The following MICAL2 variants were observed in gnomAD, a reference collection of about 807,000 sequenced individuals.
MICAL2 encodes the protein [F-actin]-monooxygenase MICAL2.
In MICAL2, 77 loss-of-function variants were observed where a neutral mutation model predicts 127.3. That is an observed-to-expected ratio of 0.60 (90% CI 0.50 to 0.73). The LOEUF is 0.73. Ranked by LOEUF, MICAL2 falls within the 30% of genes least tolerant of loss-of-function variation. The pLI is 0.00. For missense variants in MICAL2, 1,351 were observed against 1,434.4 expected (o/e 0.94, Z 0.94); for synonymous variants, 570 against 551.1 (o/e 1.03, Z -0.48).
chr11:12,346,144 A>G (rs1938950149), intron 32 of MICAL2, among the ~76,000 whole-genome samples: 1 of 152,118 alleles, frequency 6.6e-6, no homozygotes, highest in African/African-American at 2.4e-5. Context: ...GACAGGAGAG[A>G]GCTCCTTCGT....
At chr11:12,183,320 G>A (rs1418670205) in intron 3 of MICAL2, among the ~76,000 whole-genome samples, 1 of 152,154 alleles carries the variant, frequency 6.6e-6, no homozygotes, top group Non-Finnish European at 1.5e-5. Flanking sequence ...CAGAGTGGGT[G>A]AACACGTTTG....
At chr11:12,239,407 C>A (rs756924402) in intron 16 of MICAL2, 29 bp from the exon 17 acceptor site, 19 of 1,613,234 alleles carry the variant, frequency 1.2e-5, no homozygotes, top group Non-Finnish European at 1.6e-5. Context: ...CAGGATCCAA[C>A]CATCAGTGTC....
At chr11:12,234,981 C>T (rs370342725) in intron 15 of MICAL2, among the ~76,000 whole-genome samples, 108 of 152,244 alleles carry the variant, frequency 7.1e-4, no homozygotes, top group African/African-American at 2.2e-3. Context: ...TATGGGCCTG[C>T]GATGGAAGCC....
At chr11:12,350,195 G>A (rs1322847169) in intron 33 of MICAL2, among the ~76,000 whole-genome samples, 4 of 152,192 alleles carry the variant, frequency 2.6e-5, no homozygotes, top group Non-Finnish European at 4.4e-5. Flanking sequence ...AAGGTCATTT[G>A]GATAAGGCAT....
chr11:12,122,302 A>T (rs1850572653), intron 1 of MICAL2, among the ~76,000 whole-genome samples: 1 of 152,242 alleles, frequency 6.6e-6, no homozygotes. Context: ...CCTCTGGCTC[A>T]TTCCTGAATT....
chr11:12,138,313 T>C (rs1416863754), intron 1 of MICAL2, 77 bp from the exon 2 acceptor site: 1 of 152,250 alleles, frequency 6.6e-6, no homozygotes, highest in East Asian at 1.9e-4. Flanking sequence ...ATGCGTGACC[T>C]CTTGGAGGAG....
chr11:12,333,174 A>G (rs1428331753), intron 32 of MICAL2, among the ~76,000 whole-genome samples: 1 of 152,228 alleles, frequency 6.6e-6, no homozygotes, highest in African/African-American at 2.4e-5. Flanking sequence ...CAGATACAGC[A>G]AAGATTCAAA....
chr11:12,196,485 G>A lies in MICAL2; in HGVS notation c.265-7765G>A, dbSNP rs139956802. Among the ~76,000 whole-genome samples, 322 of 152,232 alleles carry A rather than the reference G, an allele frequency of 2.1e-3. 2 individuals carry two copies. Among genetic ancestry groups the A allele is most frequent in the Middle Eastern group, 3.4e-3 (1 of 294 alleles). On this transcript the variant is annotated intron_variant, in intron 3 of 27. Transcript: ENST00000683283. Reference sequence around the variant, plus strand: ...GATGGTGTCAGGGTCAATAAGGGAAGGGTATAAAGGCTGAGCCCCAGGCAC... The same window carrying A: ...GATGGTGTCAGGGTCAATAAGGGAAAGGTATAAAGGCTGAGCCCCAGGCAC...
At chr11:12,243,949 G>A in intron 20 of MICAL2, 38 bp from the exon 21 acceptor site, 2 of 1,611,026 alleles carry the variant, frequency 1.2e-6, no homozygotes, top group South Asian at 1.1e-5. Flanking sequence ...TGTGACTCCT[G>A]GGATAATCCT....
At chr11:12,134,935 A>G (rs1386361542) in intron 1 of MICAL2, among the ~76,000 whole-genome samples, 1 of 152,256 alleles carries the variant, frequency 6.6e-6, no homozygotes, top group East Asian at 1.9e-4. Flanking sequence ...TGTGACCTCC[A>G]GCATCTCTAG....
chr11:12,252,866 A>G (rs911260951), intron 22 of MICAL2: 3 of 152,112 alleles, frequency 2.0e-5, no homozygotes, highest in African/African-American at 7.2e-5. Flanking sequence ...GTGGTGATGG[A>G]TATCAACCCC....
At chr11:12,195,757 A>C (rs1372213110) in intron 3 of MICAL2, among the ~76,000 whole-genome samples, 1 of 151,548 alleles carries the variant, frequency 6.6e-6, no homozygotes, top group Non-Finnish European at 1.5e-5. Flanking sequence ...TTTTAGAGGA[A>C]GAGTGTTCTA....
At chr11:12,179,500 C>G (rs570839488) in intron 3 of MICAL2, among the ~76,000 whole-genome samples, 1 of 152,342 alleles carries the variant, frequency 6.6e-6, no homozygotes, top group South Asian at 2.1e-4. Flanking sequence ...TGCTGCTTCT[C>G]TTACCATGTC....
At chr11:12,271,283 C>T (rs1198911418), upstream of MICAL2, among the ~76,000 whole-genome samples, 1 of 152,222 alleles carries the variant, frequency 6.6e-6, no homozygotes, top group Admixed American at 6.5e-5. Context: ...CTCCAGCCCC[C>T]ATTAGAGTCC....
intron 32 of MICAL2, among the ~76,000 whole-genome samples, chr11:12,345,131 A>AAAAAAAAAAAG (rs1427548449): frequency 4.7e-4 from 71 of 151,088 alleles, no homozygotes; most frequent in Middle Eastern, 3.4e-3. Flanking sequence ...AAAAAAAGAA[A>AAAAAAAAAAAG]AAAGAAAGAA....
At chr11:12,279,849 CAGTGAACAGG>C (rs1863753559) in intron 1 of MICAL2, among the ~76,000 whole-genome samples, 1 of 152,220 alleles carries the variant, frequency 6.6e-6, no homozygotes, top group South Asian at 2.1e-4. Flanking sequence ...TGGGAACAAT[CAGTGAACAGG>C]ACTGGGGCAC....
chr11:12,231,396 G>A (rs1858242429), intron 15 of MICAL2, among the ~76,000 whole-genome samples: 1 of 152,186 alleles, frequency 6.6e-6, no homozygotes, highest in Non-Finnish European at 1.5e-5. Context: ...CACAAAATGT[G>A]ACTGACATTT....
At chr11:12,301,765 T>C (rs1054999531) in intron 29 of MICAL2, among the ~76,000 whole-genome samples, 9 of 152,136 alleles carry the variant, frequency 5.9e-5, no homozygotes, top group Admixed American at 2.6e-4. Flanking sequence ...GCTGCATCTG[T>C]TAGCTGGCAG....
chr11:12,240,913 T>C lies in MICAL2; in HGVS notation c.2215-127T>C, dbSNP rs538478558. ...GCTTGCGGGAGCTCAGCCCAGTGCT[T>C]CCTCTGCACTTGCAACCTTCGTCTC... On this transcript the variant is annotated intron_variant, in intron 17 of 27. Transcript: ENST00000683283. 19 of 1,252,174 alleles carry C rather than the reference T, an allele frequency of 1.5e-5. No homozygotes were observed. In the East Asian group the frequency reaches 4.0e-4, roughly 27 times the overall value. The allele number at this position is 1,252,174 out of a possible 1,614,324, so 77.6% of individuals were successfully genotyped here. A position where few individuals can be genotyped will look rare whatever the true frequency, so the allele number is the denominator to read the frequency against.
Sources: allele counts gnomAD v4.1 joint callset (sites outside exome capture counted in the v4.1 genomes callset), GRCh38; gene constraint gnomAD v4.1.1; transcripts MANE v1.5; gene names NCBI Gene and HGNC (gene_info 2026-07-23, HGNC 2026-07-21).